The following MAP3K20 variants were observed in gnomAD, a reference collection of about 807,000 sequenced individuals.
MAP3K20 encodes mitogen-activated protein kinase kinase kinase 20.
In MAP3K20, 40 loss-of-function variants were observed where a neutral mutation model predicts 85.7. That is an observed-to-expected ratio of 0.47 (90% CI 0.36 to 0.61). MAP3K20 has a LOEUF of 0.61. Ranked by LOEUF, MAP3K20 falls within the 20% of genes least tolerant of loss-of-function variation. The probability of loss-of-function intolerance (pLI) is 0.00; values close to 1 mark genes in which losing one functional copy is unlikely to be tolerated. For missense variants in MAP3K20, 817 were observed against 961.7 expected, an observed-to-expected ratio of 0.85 and a Z score of 1.99; for synonymous variants, 325 against 327.7, an observed-to-expected ratio of 0.99 and a Z score of 0.09.
chr2:173,235,099 A>G (rs947777910), intron 14 of MAP3K20, among the ~76,000 whole-genome samples: 1 of 152,220 alleles, frequency 6.6e-6, no homozygotes, highest in African/African-American at 2.4e-5. Flanking sequence ...CGCAGGCAGT[A>G]AAAGAATTTA....
At chr2:173,229,880 G>C in intron 12 of MAP3K20, 147 bp downstream of exon 12, 1 of 887,922 alleles carries the variant, frequency 1.1e-6, no homozygotes, top group Non-Finnish European at 1.8e-6. Flanking sequence ...TCCCAGGCTG[G>C]AGTGCAGTGG....
At chr2:173,124,864 T>G (rs1472762811) in intron 2 of MAP3K20, among the ~76,000 whole-genome samples, 1 of 152,192 alleles carries the variant, frequency 6.6e-6, no homozygotes, top group Non-Finnish European at 1.5e-5. Context: ...GGCTCACACT[T>G]GTAATTCCAG....
chr2:173,111,064 C>T (rs900254335), intron 2 of MAP3K20, among the ~76,000 whole-genome samples: 23 of 152,138 alleles, frequency 1.5e-4, no homozygotes, highest in African/African-American at 4.6e-4. Flanking sequence ...GGAAGTGTTC[C>T]CTGTTCACCA....
At chr2:173,101,631 T>C (rs764518117) in intron 2 of MAP3K20, among the ~76,000 whole-genome samples, 8 of 152,062 alleles carry the variant, frequency 5.3e-5, no homozygotes, top group Non-Finnish European at 1.2e-4. Flanking sequence ...CCTGAGAAAC[T>C]CAAAGCCTAA....
intron 4 of MAP3K20, among the ~76,000 whole-genome samples, chr2:173,183,365 C>T (rs554000397): frequency 6.6e-6 from 1 of 152,202 alleles, no homozygotes; most frequent in South Asian, 2.1e-4. Flanking sequence ...ATTTTGTATA[C>T]ATAATATGCT....
At chr2:173,111,944 G>A (rs1687987653) in intron 2 of MAP3K20, among the ~76,000 whole-genome samples, 1 of 152,108 alleles carries the variant, frequency 6.6e-6, no homozygotes. Context: ...TTCTAATTCT[G>A]TGAAGAATGA....
intron 16 of MAP3K20, among the ~76,000 whole-genome samples, chr2:173,250,450 C>T (rs765119177): frequency 6.6e-6 from 1 of 152,214 alleles, no homozygotes; most frequent in African/African-American, 2.4e-5. Flanking sequence ...TCTGTGTCAG[C>T]CTTGTTTTTA....
intron 3 of MAP3K20, among the ~76,000 whole-genome samples, chr2:173,179,879 T>C (rs1421611942): frequency 1.3e-5 from 2 of 151,962 alleles, no homozygotes; most frequent in Admixed American, 1.3e-4. Context: ...TACAGTAGCA[T>C]CAAAAAGAAT....
Position 173,266,824 on chromosome 2 carries a change from A to C in MAP3K20, c.*74A>C. ...AAGAAATGTAATGGTTTTTGATAAT[A>C]TGATCCCTTCAGATTGAATTAACGA... On this transcript the variant is annotated 3_prime_UTR_variant, in exon 20 of 20. Coordinates refer to ENST00000375213, the MANE Select transcript of MAP3K20 (RefSeq NM_016653.3). 7.7e-7 allele frequency: 1 copy of C among 1,294,716 alleles called. No homozygotes were observed. The highest frequency in any genetic ancestry group is 1.9e-5 in the South Asian group (1 of 51,618). The allele number at this position is 1,294,716 out of a possible 1,614,324, so 80.2% of individuals were successfully genotyped here.
At chr2:173,232,537 T>C in intron 14 of MAP3K20, 78 bp downstream of exon 14, 1 of 1,570,072 alleles carries the variant, frequency 6.4e-7, no homozygotes. Context: ...AGAGTCTTGC[T>C]CTGTTGCCCA....
At chr2:173,087,202 G>A (rs1687168027) in intron 1 of MAP3K20, among the ~76,000 whole-genome samples, 1 of 152,216 alleles carries the variant, frequency 6.6e-6, no homozygotes, top group South Asian at 2.1e-4. Context: ...ATAGTCTGGT[G>A]GGAATTAAGT....
At chr2:173,181,287 A>G (rs1175584439) in intron 3 of MAP3K20, among the ~76,000 whole-genome samples, 1 of 151,958 alleles carries the variant, frequency 6.6e-6, no homozygotes, top group Non-Finnish European at 1.5e-5. Context: ...GAGGCAGAGG[A>G]TGGCAGGGAA....
At chr2:173,251,954 T>C (rs1359198615) in intron 16 of MAP3K20, among the ~76,000 whole-genome samples, 1 of 152,206 alleles carries the variant, frequency 6.6e-6, no homozygotes, top group Non-Finnish European at 1.5e-5. Context: ...ATAATGTTGA[T>C]ACATGCAATT....
At chr2:173,259,770 G>A (rs910306980) in intron 17 of MAP3K20, among the ~76,000 whole-genome samples, 5 of 152,168 alleles carry the variant, frequency 3.3e-5, no homozygotes, top group African/African-American at 9.7e-5. Context: ...TTATTTCCAT[G>A]GCATTATTTA....
chr2:173,078,050 A>G (rs2106130546), intron 1 of MAP3K20, among the ~76,000 whole-genome samples: 1 of 152,386 alleles, frequency 6.6e-6, no homozygotes, highest in Admixed American at 6.5e-5. Context: ...TCGAATCATC[A>G]GAGAAAACAC....
chr2:173,206,316 G>A (rs1040946538), intron 9 of MAP3K20, among the ~76,000 whole-genome samples: 3 of 152,206 alleles, frequency 2.0e-5, no homozygotes, highest in African/African-American at 7.2e-5. Flanking sequence ...TTTAAATGTA[G>A]TAAGCTAACC....
At chr2:173,133,907 C>T (rs1200946436) in intron 2 of MAP3K20, among the ~76,000 whole-genome samples, 2 of 150,192 alleles carry the variant, frequency 1.3e-5, no homozygotes, top group East Asian at 2.0e-4. Flanking sequence ...AGAAGAATGG[C>T]GGGAACCCGG....
chr2:173,205,232 G>T (rs1306870748), intron 9 of MAP3K20, among the ~76,000 whole-genome samples: 1 of 151,628 alleles, frequency 6.6e-6, no homozygotes, highest in African/African-American at 2.4e-5. Flanking sequence ...CCAGTTTTTT[G>T]TGGAAATAGA....
At chr2:173,227,062 G>A (rs1461332538) in intron 11 of MAP3K20, 5 of 985,714 alleles carry the variant, frequency 5.1e-6, no homozygotes, top group Non-Finnish European at 6.0e-6. Context: ...CCAAGTTGGT[G>A]TCATACATTT....
Sources: gnomAD v4.1 joint callset for allele counts (sites outside exome capture counted in the v4.1 genomes callset) on GRCh38, gnomAD v4.1.1 for gene constraint, MANE v1.5 for transcripts, NCBI Gene and HGNC (gene_info 2026-07-23, HGNC 2026-07-21) for gene names.